Variants in DPYD observed in about 807,000 individuals in gnomAD.
DPYD encodes the protein dihydropyrimidine dehydrogenase [NADP(+)].
In DPYD, 109 loss-of-function variants were observed where a neutral mutation model predicts 116.2. The ratio of observed to expected loss-of-function variants is 0.94; its 90% CI spans 0.80 to 1.10. The LOEUF is 1.10. Ranked by LOEUF, DPYD falls within the 50% of genes least tolerant of loss-of-function variation. The pLI, the probability that DPYD is intolerant of heterozygous loss-of-function variation, is 0.00. For missense variants in DPYD, 1,302 were observed against 1,254.5 expected, an observed-to-expected ratio of 1.04 and a Z score of -0.57; for synonymous variants, 440 against 432.0, an observed-to-expected ratio of 1.02 and a Z score of -0.23.
chr1:97,172,440 C>G (rs1267663612), intron 20 of DPYD, among the ~76,000 whole-genome samples: 1 of 152,106 alleles, frequency 6.6e-6, no homozygotes, highest in Non-Finnish European at 1.5e-5. Context: ...TTTTATTGCA[C>G]TGATTTTGAT....
chr1:97,450,646 A>T (rs989287235), intron 13 of DPYD, among the ~76,000 whole-genome samples: 3 of 149,848 alleles, frequency 2.0e-5, no homozygotes, highest in Admixed American at 6.7e-5. Context: ...AAAAGTTTAT[A>T]TTTTTTTTTT....
chr1:97,476,759 A>G (rs1195082856), intron 13 of DPYD, among the ~76,000 whole-genome samples: 1 of 152,170 alleles, frequency 6.6e-6, no homozygotes, highest in Non-Finnish European at 1.5e-5. Flanking sequence ...CTTATATGTC[A>G]ACTACAGGCA....
chr1:97,449,402 G>A lies in DPYD; in HGVS notation c.1905+657C>T, dbSNP rs1676273805. 1.3e-5 allele frequency among the ~76,000 whole-genome samples: 2 copies of A among 151,904 alleles called. 1 individual carries two copies. Among genetic ancestry groups the A allele is most frequent in the South Asian group, 4.2e-4 (2 of 4,814 alleles). On this transcript the variant is annotated intron_variant, in intron 14 of 22. Coordinates refer to ENST00000370192, the MANE Select transcript of DPYD (RefSeq NM_000110.4). ...GAGGAAGGATGAGAGAGAGAAAGAG[G>A]AAGAAGGAGTAGGAAAAAAATAGGA...
intron 12 of DPYD, among the ~76,000 whole-genome samples, chr1:97,539,437 C>G (rs774413195): frequency 6.6e-6 from 1 of 151,988 alleles, no homozygotes; most frequent in Non-Finnish European, 1.5e-5. Context: ...CTACCTCTAC[C>G]TGTTGATTCC....
intron 18 of DPYD, among the ~76,000 whole-genome samples, chr1:97,285,426 G>C (rs768471537): frequency 3.9e-5 from 6 of 152,030 alleles, no homozygotes; most frequent in Non-Finnish European, 8.8e-5. Context: ...TCGTAGTTTA[G>C]AAAACAAACA....
chr1:97,099,534 C>G (rs78382738), intron 20 of DPYD, among the ~76,000 whole-genome samples: 3,377 of 152,204 alleles, frequency 0.022, 109 homozygotes, highest in African/African-American at 0.077. Flanking sequence ...TTTACTGACA[C>G]ATACTGCTGG....
At chr1:97,741,869 C>T (rs984330901) in intron 3 of DPYD, among the ~76,000 whole-genome samples, 2 of 152,020 alleles carry the variant, frequency 1.3e-5, no homozygotes, top group African/African-American at 2.4e-5. Flanking sequence ...TCAGGACAGG[C>T]TTCTTGGGAG....
intron 14 of DPYD, among the ~76,000 whole-genome samples, chr1:97,410,282 A>G (rs1389976269): frequency 6.6e-6 from 1 of 152,172 alleles, no homozygotes; most frequent in Non-Finnish European, 1.5e-5. Flanking sequence ...TGCCCTGTAA[A>G]TACTTGTGGA....
At chr1:97,282,396 C>A (rs1450358617) in intron 18 of DPYD, among the ~76,000 whole-genome samples, 1 of 151,734 alleles carries the variant, frequency 6.6e-6, no homozygotes, top group Non-Finnish European at 1.5e-5. Flanking sequence ...CTTTCCTTTA[C>A]CATTTTCTCT....
At chr1:97,360,203 C>A (rs543588267) in intron 16 of DPYD, among the ~76,000 whole-genome samples, 1 of 152,052 alleles carries the variant, frequency 6.6e-6, no homozygotes, top group South Asian at 2.1e-4. Flanking sequence ...TCAAAAGAGA[C>A]CATTATGTGA....
At chr1:97,309,532 G>A (rs1362778453) in intron 16 of DPYD, among the ~76,000 whole-genome samples, 3 of 151,742 alleles carry the variant, frequency 2.0e-5, no homozygotes, top group Non-Finnish European at 2.9e-5. Context: ...AGCAAATGGT[G>A]GTCTTGAGGA....
intron 18 of DPYD, among the ~76,000 whole-genome samples, chr1:97,255,075 T>C (rs1437435539): frequency 6.6e-6 from 1 of 152,174 alleles, no homozygotes; most frequent in Non-Finnish European, 1.5e-5. Context: ...GTTTAGGGCA[T>C]GCCTGAGTAT....
intron 3 of DPYD, among the ~76,000 whole-genome samples, chr1:97,777,959 A>C (rs1666510117): frequency 6.6e-6 from 1 of 151,850 alleles, no homozygotes; most frequent in African/African-American, 2.4e-5. Context: ...GGAGTTTGAG[A>C]CCAGCCTGGC....
chr1:97,256,950 C>T (rs960665817), intron 18 of DPYD, among the ~76,000 whole-genome samples: 4 of 152,206 alleles, frequency 2.6e-5, no homozygotes, highest in East Asian at 1.9e-4. Flanking sequence ...CCTCTGCCCA[C>T]CCACCTTCCC....
intron 3 of DPYD, among the ~76,000 whole-genome samples, chr1:97,816,928 T>C (rs973774187): frequency 6.6e-6 from 1 of 152,196 alleles, no homozygotes; most frequent in African/African-American, 2.4e-5. Flanking sequence ...AGTATTTGTA[T>C]TAATCTATCA....
chr1:97,903,060 G>A (rs1300295587), intron 1 of DPYD, among the ~76,000 whole-genome samples: 1 of 151,852 alleles, frequency 6.6e-6, no homozygotes, highest in African/African-American at 2.4e-5. Flanking sequence ...GACTTAATGG[G>A]AGACTTCTGT....
intron 3 of DPYD, among the ~76,000 whole-genome samples, chr1:97,786,599 A>T (rs895917000): frequency 1.3e-5 from 2 of 152,200 alleles, no homozygotes; most frequent in Non-Finnish European, 2.9e-5. Flanking sequence ...CTGAGGAGAC[A>T]TTTGTATAAG....
At chr1:97,487,709 A>T (rs935480870) in intron 13 of DPYD, among the ~76,000 whole-genome samples, 1 of 152,056 alleles carries the variant, frequency 6.6e-6, no homozygotes, top group Non-Finnish European at 1.5e-5. Flanking sequence ...AAACAATGAG[A>T]TATCATAACA....
At chr1:97,467,186 A>T (rs1677378736) in intron 13 of DPYD, among the ~76,000 whole-genome samples, 1 of 152,200 alleles carries the variant, frequency 6.6e-6, no homozygotes, top group African/African-American at 2.4e-5. Context: ...CACCGAATGG[A>T]TCTGCCTGCA....
Sources: allele counts gnomAD v4.1 joint callset (sites outside exome capture counted in the v4.1 genomes callset), GRCh38; gene constraint gnomAD v4.1.1; transcripts MANE v1.5; gene names NCBI Gene and HGNC (gene_info 2026-07-23, HGNC 2026-07-21).